ZNF773: variants seen among roughly 807,000 people sequenced by gnomAD.
ZNF773 encodes the protein zinc finger protein 419B.
In ZNF773, 11 loss-of-function variants were observed where a neutral mutation model predicts 12.8. The observed-to-expected ratio is 0.86, with a 90% CI of 0.54 to 1.42. The LOEUF is 1.42. ZNF773 is among the 40% of genes most tolerant of loss of function. ZNF773 has a pLI of 0.00. For synonymous variants in ZNF773, 175 were observed against 178.4 expected (o/e 0.98, Z 0.15); for missense variants, 518 against 527.2 (o/e 0.98, Z 0.17).
rs1384246881 is a variant in ZNF773 at position 57,500,035 on chromosome 19, G to A, written c.-46G>A. The A allele has an allele frequency of 2.6e-6, 4 of 1,548,528 alleles. No individual in the cohort carries two copies. The African/African-American group carries it at 4.1e-5, about 16-fold the overall frequency. ...GAGGCTCGGTGGCGGCGCCCAGGGT[G>A]GCCCGGGCCCTTTCCTCGGTCGTTG... On this transcript the variant is annotated 5_prime_UTR_variant, in exon 1 of 4. Coordinates refer to ENST00000282292, the MANE Select transcript of ZNF773 (RefSeq NM_198542.3).
chr19:57,505,663 G>A (rs188873291), intron 3 of ZNF773, among the ~76,000 whole-genome samples: 1 of 151,864 alleles, frequency 6.6e-6, no homozygotes, highest in Admixed American at 6.5e-5. Flanking sequence ...GGTGAGGTGG[G>A]GCGCTTATTC....
Position 57,506,661 on chromosome 19 carries a change from G to A in ZNF773, c.566G>A (p.Arg189Lys). The change falls in exon 4 of 4, where the codon AGG (arginine) becomes AAG (lysine). Residue 189 changes from arginine to lysine, a missense_variant. By Grantham distance (26) the Arg-to-Lys change is conservative. Transcript: ENST00000282292. Reference protein sequence around the residue: ...KSREAFHAGKRHYKCSECGKA... With the variant: ...KSREAFHAGKKHYKCSECGKA... ...AGGGAGGCCTTTCATGCTGGAAAAA[G>A]GCATTACAAATGCAGTGAATGTGGG... is the stretch of plus-strand genomic sequence containing the variant. 2.5e-6 allele frequency: 4 copies of A among 1,614,212 alleles called. No individual in the cohort carries two copies. Among genetic ancestry groups the A allele is most frequent in the Non-Finnish European group, 3.4e-6 (4 of 1,180,040 alleles).
At chr19:57,508,337 G>A, downstream of ZNF773, 1 of 609,232 alleles carries the variant, frequency 1.6e-6, no homozygotes, top group Non-Finnish European at 2.1e-6. Context: ...GGCTGCACCA[G>A]TCGAATGGAG....
downstream of ZNF773, among the ~76,000 whole-genome samples, chr19:57,511,900 C>G (rs908602638): frequency 6.6e-6 from 1 of 151,996 alleles, no homozygotes; most frequent in Admixed American, 6.6e-5. Context: ...GTGGAAGAAG[C>G]CAGACACAAA....
chr19:57,513,484 G>GA (rs1272558594), downstream of ZNF773: 1 of 153,526 alleles, frequency 6.5e-6, no homozygotes, highest in Non-Finnish European at 1.5e-5. Context: ...CAAGGCTTAG[G>GA]AAAGTCCCTA....
chr19:57,500,448 G>C (rs2089656551), intron 1 of ZNF773, among the ~76,000 whole-genome samples: 1 of 151,592 alleles, frequency 6.6e-6, no homozygotes, highest in African/African-American at 2.4e-5. Context: ...GACAAGATCT[G>C]TTTCTCAAAG....
intron 3 of ZNF773, among the ~76,000 whole-genome samples, chr19:57,506,063 C>T (rs1201012154): frequency 6.6e-6 from 1 of 152,140 alleles, no homozygotes; most frequent in Non-Finnish European, 1.5e-5. Context: ...GTTCCTGTGT[C>T]TCCAGCAGCC....
At chr19:57,517,051 C>T (rs2089836474), downstream of ZNF773, 1 of 152,266 alleles carries the variant, frequency 6.6e-6, no homozygotes, top group African/African-American at 2.4e-5. Flanking sequence ...TTATGAATGG[C>T]AGCATTTGGG....
chr19:57,513,223 C>A, downstream of ZNF773: 1 of 760,396 alleles, frequency 1.3e-6, no homozygotes, highest in Non-Finnish European at 1.9e-6. Flanking sequence ...AATTTGTCTG[C>A]TGAAGAGCAA....
At chr19:57,508,483 T>A (rs1293075394), downstream of ZNF773, 10 of 697,664 alleles carry the variant, frequency 1.4e-5, no homozygotes, top group Admixed American at 1.8e-4. Context: ...TATGTCCGCT[T>A]CCAGAGACTG....
At position 57,506,454 on chromosome 19, in the gene ZNF773, G is replaced by A; in HGVS notation, c.359G>A (p.Cys120Tyr). Residue 120 changes from cysteine to tyrosine, a missense_variant, in exon 4 of 4, where the codon TGT becomes TAT. Transcript: ENST00000282292. ...GTTCAGCAACACCAGAAGCAGCACT[G>A]TGGAGAGAAACCCTTAAAAAGACAA... ...SNVQQHQKQHCGEKPLKRQEG... is the reference protein window; with the variant it reads ...SNVQQHQKQHYGEKPLKRQEG... 1.2e-6 allele frequency: 2 copies of A among 1,614,194 alleles called. No individual in the cohort carries two copies. Among genetic ancestry groups the A allele is most frequent in the Non-Finnish European group, 1.7e-6 (2 of 1,180,040 alleles).
At chr19:57,503,657 CTTT>C (rs150122476) in intron 1 of ZNF773, among the ~76,000 whole-genome samples, 5 of 132,294 alleles carry the variant, frequency 3.8e-5, no homozygotes, top group Non-Finnish European at 4.9e-5. Flanking sequence ...GAGACGTGGG[CTTT>C]TTTTTTTTTT....
rs1368634528 is a variant in ZNF773 at position 57,505,399 on chromosome 19, A to T, written c.261A>T (p.Arg87Ser). ...AWEVVTSAIL[R>S]GSWQGAKAEA... ...AAGTTGTGACTTCAGCCATACTGAG[A>T]GGTACTTGGTGGGTGGAGCTCAGGG... The change falls in exon 3 of 4, where the codon AGA (arginine) becomes AGT (serine). Residue 87 changes from arginine to serine, a missense_variant and splice_region_variant. Transcript: ENST00000282292. The T allele has an allele frequency of 6.2e-7, 1 of 1,614,048 alleles. No homozygotes were observed. Among genetic ancestry groups the T allele is most frequent in the Non-Finnish European group, 8.5e-7 (1 of 1,180,002 alleles).
downstream of ZNF773, chr19:57,508,521 TTGGC>T (rs1256552069): frequency 4.6e-5 from 32 of 701,052 alleles, no homozygotes; most frequent in Non-Finnish European, 7.8e-5. Context: ...TTTCACCAGT[TTGGC>T]TGCGTAACAG....
chr19:57,502,912 C>T (rs564090611), intron 1 of ZNF773, among the ~76,000 whole-genome samples: 16 of 152,152 alleles, frequency 1.1e-4, no homozygotes, highest in African/African-American at 2.9e-4. Flanking sequence ...AGGATGATCT[C>T]GATCTCCTAA....
downstream of ZNF773, among the ~76,000 whole-genome samples, chr19:57,511,597 A>G (rs572284997): frequency 4.6e-5 from 7 of 152,146 alleles, no homozygotes; most frequent in African/African-American, 1.7e-4. Context: ...AACTTACCAT[A>G]TAGCTTAGGA....
At chr19:57,502,097 C>T (rs2089677144) in intron 1 of ZNF773, among the ~76,000 whole-genome samples, 1 of 152,182 alleles carries the variant, frequency 6.6e-6, no homozygotes, top group Non-Finnish European at 1.5e-5. Context: ...CACGTGCCGT[C>T]ACGCCCGGCT....
intron 3 of ZNF773, 88 bp from the exon 4 acceptor site, chr19:57,506,270 A>G: frequency 3.9e-6 from 6 of 1,532,556 alleles, no homozygotes; most frequent in Non-Finnish European, 5.2e-6. Flanking sequence ...CCCACACGCT[A>G]ATTACCAGGT....
downstream of ZNF773, chr19:57,514,147 T>C (rs1475974649): frequency 6.6e-6 from 1 of 152,230 alleles, no homozygotes; most frequent in Non-Finnish European, 1.5e-5. Context: ...GATCAAATCT[T>C]ACATCAGTTA....
Sources: allele counts gnomAD v4.1 joint callset (sites outside exome capture counted in the v4.1 genomes callset), GRCh38; gene constraint gnomAD v4.1.1; transcripts MANE v1.5; gene names NCBI Gene and HGNC (gene_info 2026-07-23, HGNC 2026-07-21).